AGAP3: variants seen among roughly 807,000 people sequenced by gnomAD.
AGAP3 encodes the protein ArfGAP with GTPase domain, ankyrin repeat and PH domain 3, also known as arf-GAP with GTPase, ANK repeat and PH domain-containing protein 3.
In AGAP3, 24 loss-of-function variants were observed where a neutral mutation model predicts 96.9. The observed-to-expected ratio is 0.25, with a 90% CI of 0.18 to 0.35. The LOEUF is 0.35. Ranked by LOEUF, AGAP3 falls within the 10% of genes least tolerant of loss-of-function variation. AGAP3 has a pLI of 1.00. For missense variants in AGAP3, 876 were observed against 1,254.2 expected (o/e 0.70, Z 4.55); for synonymous variants, 563 against 536.1 (o/e 1.05, Z -0.69).
At chr7:151,087,289 A>C in intron 1 of AGAP3, 1 of 590,188 alleles carries the variant, frequency 1.7e-6, no homozygotes, top group Non-Finnish European at 3.0e-6. Context: ...TTTTCTGCTG[A>C]CTGTGTTCCA....
intron 1 of AGAP3, among the ~76,000 whole-genome samples, chr7:151,088,121 T>C (rs1225606774): frequency 6.6e-6 from 1 of 152,222 alleles, no homozygotes; most frequent in African/African-American, 2.4e-5. Flanking sequence ...ACTTGGGCCT[T>C]AAGGTTAGGG....
intron 8 of AGAP3, chr7:151,122,967 C>T (rs1025212949): frequency 3.5e-6 from 5 of 1,430,656 alleles, no homozygotes; most frequent in African/African-American, 2.9e-5. Flanking sequence ...CCGGAGCCCG[C>T]GCTGGGGGCT....
At chr7:151,120,957 C>A in intron 8 of AGAP3, 2 of 752,722 alleles carry the variant, frequency 2.7e-6, no homozygotes, top group Non-Finnish European at 3.3e-6. Flanking sequence ...GAGTCTTGGG[C>A]CAGACAAAGG....
chr7:151,120,915 A>C, intron 8 of AGAP3: 142 of 939,792 alleles, frequency 1.5e-4, no homozygotes, highest in Non-Finnish European at 1.7e-4. Context: ...CCAAACCCTA[A>C]TCCTCCAGCC....
chr7:151,112,433 G>GTGTGTGTC (rs1799335512), intron 1 of AGAP3, among the ~76,000 whole-genome samples: 1 of 144,684 alleles, frequency 6.9e-6, no homozygotes, highest in African/African-American at 2.8e-5. Context: ...GTGTGTGTGT[G>GTGTGTGTC]TGTCCAGCAT....
chr7:151,120,158 C>T lies in AGAP3; in HGVS notation c.1128+13C>T, dbSNP rs1428083010. The T allele has an allele frequency of 2.5e-6, 4 of 1,581,308 alleles. No individual in the cohort carries two copies. The highest frequency in any genetic ancestry group is 3.4e-6 in the Non-Finnish European group (4 of 1,159,452). On this transcript the variant is annotated intron_variant, in intron 8 of 17. Transcript: ENST00000397238. The stretch of plus-strand genomic sequence containing the variant: ...CAACATCTTCACGGTACGTGACTGC[C>T]CTCCTCCCCCGCCCAGCTGCCTTTG...
chr7:151,126,749 C>A (rs960385061), intron 9 of AGAP3, among the ~76,000 whole-genome samples: 25 of 152,198 alleles, frequency 1.6e-4, no homozygotes, highest in African/African-American at 5.5e-4. Flanking sequence ...GTCACCAAGG[C>A]CCAGCCTACC....
chr7:151,116,901 G>T (rs751864740), intron 2 of AGAP3, 50 bp downstream of exon 2: 1 of 1,609,754 alleles, frequency 6.2e-7, no homozygotes, highest in South Asian at 1.1e-5. Flanking sequence ...GGGGGGGCGA[G>T]GCTGGGTGCC....
rs548334424 is a variant in AGAP3, at chr7:151,116,797, G to A, written c.336G>A (p.Ser112=). 2.2e-5 allele frequency: 35 copies of A among 1,614,112 alleles called. No homozygotes were observed. In the Admixed American group the frequency reaches 3.7e-4, roughly 17 times the overall value. ...IREHVISIED[S]FVNSQEWTLS... is the part of the protein sequence containing the mutation. The stretch of plus-strand genomic sequence containing the variant: ...GGGCGGCTCTGTCTTCCGCAGACTC[G>A]TTTGTGAACAGCCAGGAGTGGACGC... The change falls in exon 2 of 18, where the codon TCG becomes TCA. Residue 112 remains serine (S), a synonymous_variant. Coordinates refer to ENST00000397238, the MANE Select transcript of AGAP3 (RefSeq NM_031946.7).
chr7:151,115,713 A>G (rs1300815544), intron 1 of AGAP3: 2 of 976,230 alleles, frequency 2.0e-6, no homozygotes, highest in African/African-American at 1.8e-5. Context: ...CGCCCAGGGC[A>G]GGCGAGCTGC....
At chr7:151,115,536 T>C (rs1799527897) in intron 1 of AGAP3, 4 of 1,078,352 alleles carry the variant, frequency 3.7e-6, no homozygotes, top group Non-Finnish European at 4.5e-6. Flanking sequence ...CGCCGGCCTC[T>C]GGAGGCTGCT....
At chr7:151,130,854 C>A (rs1359332034) in intron 10 of AGAP3, among the ~76,000 whole-genome samples, 5 of 152,194 alleles carry the variant, frequency 3.3e-5, no homozygotes, top group Admixed American at 6.5e-5. Context: ...CCGGGGCTGC[C>A]ACCTCACCTC....
intron 1 of AGAP3, among the ~76,000 whole-genome samples, chr7:151,100,134 C>A (rs149252402): frequency 6.6e-6 from 1 of 152,230 alleles, no homozygotes; most frequent in Non-Finnish European, 1.5e-5. Context: ...GCCTGCAGTG[C>A]GCCCTTTGTG....
chr7:151,109,181 CA>C, intron 1 of AGAP3, among the ~76,000 whole-genome samples: 1 of 130,422 alleles, frequency 7.7e-6, no homozygotes, highest in African/African-American at 2.9e-5. Flanking sequence ...AAAAAAAAAA[CA>C]AAAAACAAAA....
chr7:151,138,362 A>G, intron 12 of AGAP3, 49 bp downstream of exon 12: 1 of 1,553,962 alleles, frequency 6.4e-7, no homozygotes, highest in South Asian at 1.2e-5. Context: ...CCCCAGTGAC[A>G]GAGAGGAGGG....
At chr7:151,109,685 C>T (rs907531533) in intron 1 of AGAP3, among the ~76,000 whole-genome samples, 1 of 152,170 alleles carries the variant, frequency 6.6e-6, no homozygotes, top group Non-Finnish European at 1.5e-5. Flanking sequence ...TCAGGGCTCT[C>T]CAGGGTCCTC....
rs1446553617 is a variant in AGAP3, at chr7:151,096,888, C to T, written c.331+9816C>T. On this transcript the variant is annotated intron_variant, in intron 1 of 17. Transcript: ENST00000397238. This position sits in a 1 kb window ranked among gnomAD's most constrained non-coding sequence, Gnocchi z 4.4. ...CTGCCTCCCGAGTTCAAGCAATTCTCGTGCCTCAGCCTCCCAAGGCACATG... is the reference window on the plus strand; with the variant it reads ...CTGCCTCCCGAGTTCAAGCAATTCTTGTGCCTCAGCCTCCCAAGGCACATG... Among the ~76,000 whole-genome samples, 1 of 152,078 alleles carries T rather than the reference C, an allele frequency of 6.6e-6. No individual in the cohort carries two copies. The highest frequency in any genetic ancestry group is 1.9e-4 in the East Asian group (1 of 5,160).
rs761374883 is a variant in AGAP3 at position 151,142,196 on chromosome 7, G to T, written c.1993G>T (p.Val665Leu). The T allele has an allele frequency of 6.2e-7, 1 of 1,613,796 alleles. No homozygotes were observed. The highest frequency in any genetic ancestry group is 8.5e-7 in the Non-Finnish European group (1 of 1,180,006). ...RLGNQNAALAVQAVRTVRGNS... is the reference protein window; with the variant it reads ...RLGNQNAALALQAVRTVRGNS... Reference sequence around the variant, plus strand: ...GGGGAACCAGAACGCAGCTCTGGCTGTGCAGGCCGTCCGCACCGTCCGCGG... The same window carrying T: ...GGGGAACCAGAACGCAGCTCTGGCTTTGCAGGCCGTCCGCACCGTCCGCGG... The change falls in exon 15 of 18, where the codon GTG becomes TTG. Residue 665 changes from valine (V) to leucine (L), a missense_variant. Val to Leu is a conservative substitution (Grantham distance 32, BLOSUM62 1). Around this residue, in one of 8 missense-constraint regions of AGAP3, gnomAD observed 103 missense variants for 183.0 expected, o/e 0.56. Transcript: ENST00000397238. This position sits in a 1 kb window ranked among gnomAD's most constrained non-coding sequence, Gnocchi z 7.5.
rs974011743 is a variant in AGAP3 at position 151,108,112 on chromosome 7, G to A, written c.332-8681G>A. On this transcript the variant is annotated intron_variant, in intron 1 of 17. Coordinates refer to ENST00000397238, the MANE Select transcript of AGAP3 (RefSeq NM_031946.7). This position sits in a 1 kb window ranked among gnomAD's most constrained non-coding sequence, Gnocchi z 4.2. ...TGTTGCTGGTCAGAGCTGGAGTGGC[G>A]TCACGGGCACTTCCAGGGTCTTAGA... Among the ~76,000 whole-genome samples, 7 of 152,238 alleles carry A rather than the reference G, an allele frequency of 4.6e-5. No individual in the cohort carries two copies. The highest frequency in any genetic ancestry group is 2.6e-4 in the Admixed American group (4 of 15,286).
Sources: allele counts gnomAD v4.1 joint callset (sites outside exome capture counted in the v4.1 genomes callset), GRCh38; gene constraint gnomAD v4.1.1; regional missense constraint gnomAD v4.1.1; non-coding constraint Gnocchi (gnomAD v3.1); transcripts MANE v1.5; gene names NCBI Gene and HGNC (gene_info 2026-07-23, HGNC 2026-07-21).